Variants in PTAFR observed in about 807,000 individuals in gnomAD.
The protein encoded by PTAFR is platelet activating factor receptor.
In PTAFR, 8 loss-of-function variants were observed where a neutral mutation model predicts 14.7. The ratio of observed to expected loss-of-function variants is 0.54; its 90% confidence interval spans 0.32 to 0.98. The LOEUF (loss-of-function observed/expected upper bound fraction) is 0.98. Ranked by LOEUF, PTAFR falls within the 50% of genes least tolerant of loss-of-function variation. PTAFR has a pLI of 0.04. For synonymous variants in PTAFR, 156 were observed against 176.5 expected (o/e 0.88, Z 0.92); for missense variants, 337 against 451.2 (o/e 0.75, Z 2.29).
chr1:28,183,580 A>T (rs926953337), intron 1 of PTAFR, among the ~76,000 whole-genome samples: 1 of 152,024 alleles, frequency 6.6e-6, no homozygotes, highest in Non-Finnish European at 1.5e-5. Flanking sequence ...GTGAGCCGTG[A>T]CTACACCACT....
chr1:28,166,670 CAA>C (rs61065749), intron 1 of PTAFR, among the ~76,000 whole-genome samples: 4 of 120,286 alleles, frequency 3.3e-5, no homozygotes, highest in Non-Finnish European at 3.6e-5. Context: ...GACTCCATCT[CAA>C]AAAAAAAAAA....
intron 1 of PTAFR, among the ~76,000 whole-genome samples, chr1:28,158,208 G>A (rs534267673): frequency 1.4e-4 from 22 of 152,326 alleles, no homozygotes; most frequent in Non-Finnish European, 2.9e-4. Flanking sequence ...CCCCTACCCA[G>A]ACTTGAGGGT....
intron 1 of PTAFR, among the ~76,000 whole-genome samples, chr1:28,161,538 G>C (rs1335294753): frequency 6.6e-6 from 1 of 152,044 alleles, no homozygotes; most frequent in Non-Finnish European, 1.5e-5. Flanking sequence ...ATAGAGACAA[G>C]GTCTCACTAT....
At chr1:28,161,548 T>C (rs1646323915) in intron 1 of PTAFR, among the ~76,000 whole-genome samples, 1 of 152,204 alleles carries the variant, frequency 6.6e-6, no homozygotes, top group Non-Finnish European at 1.5e-5. Flanking sequence ...GGTCTCACTA[T>C]GTTGCCCAGG....
intron 1 of PTAFR, among the ~76,000 whole-genome samples, chr1:28,175,619 T>C (rs535587424): frequency 2.7e-4 from 41 of 151,884 alleles, no homozygotes; most frequent in Non-Finnish European, 5.1e-4. Context: ...CAGAGGACGG[T>C]GGGTGCCAGC....
chr1:28,172,031 G>A (rs184102243), intron 1 of PTAFR, among the ~76,000 whole-genome samples: 13 of 151,986 alleles, frequency 8.6e-5, no homozygotes, highest in Admixed American at 7.2e-4. Flanking sequence ...GGGGTGGGGG[G>A]TTGAGACTGA....
chr1:28,164,631 A>T (rs1269152693), intron 1 of PTAFR, among the ~76,000 whole-genome samples: 1 of 152,232 alleles, frequency 6.6e-6, no homozygotes, highest in African/African-American at 2.4e-5. Flanking sequence ...AGACTAGAGA[A>T]GAAAATAGAT....
At chr1:28,163,257 C>A (rs1269384017) in intron 1 of PTAFR, among the ~76,000 whole-genome samples, 2 of 152,172 alleles carry the variant, frequency 1.3e-5, no homozygotes, top group Non-Finnish European at 2.9e-5. Flanking sequence ...ATGCACTGGG[C>A]GCATTCCTCA....
Position 28,176,389 on chromosome 1 carries a change from G to A in PTAFR, c.-39+203C>T, listed in dbSNP as rs975606522. 2.1e-5 allele frequency among the ~76,000 whole-genome samples: 3 copies of A among 144,132 alleles called. No homozygotes were observed. The Admixed American group carries it at 2.2e-4, about 11-fold the overall frequency. 94.6% of individuals were successfully genotyped at this position (144,132 alleles called of 152,430 possible). On this transcript the variant is annotated intron_variant, in intron 1 of 1. Coordinates refer to ENST00000373857, the MANE Select transcript of PTAFR (RefSeq NM_000952.5). ...GCCTGGCAGGTCCAGGCTGCAGCGA[G>A]CCATGATCGCGCCACTGCACTTCTG... is the stretch of plus-strand genomic sequence containing the variant.
chr1:28,167,801 G>T (rs962825950), intron 1 of PTAFR, among the ~76,000 whole-genome samples: 1 of 151,390 alleles, frequency 6.6e-6, no homozygotes, highest in Non-Finnish European at 1.5e-5. Flanking sequence ...ACCTCGCCCG[G>T]CTAATTTTTG....
rs757815391 is a variant in PTAFR, at chr1:28,150,593, C to A, written c.429G>T (p.Val143=). 3 of 1,614,062 alleles carry A rather than the reference C, an allele frequency of 1.9e-6. No individual in the cohort carries two copies. In the African/African-American group the frequency reaches 4.0e-5, roughly 22 times the overall value. The change falls in exon 2 of 2, where the codon GTG becomes GTT. Residue 143 remains valine, a synonymous_variant. Transcript: ENST00000373857. The surrounding 1 kb of genome is among the most constrained non-coding windows in gnomAD (Gnocchi z 6.3). ...AGTAGGATGCAGCTCCCACAATGGC[C>A]ACCCAGATGACCAAGGACAAAGAGA... ...RGISLSLVIW[V]AIVGAASYFL...
At chr1:28,183,841 C>T (rs1646582443) in intron 1 of PTAFR, among the ~76,000 whole-genome samples, 1 of 151,726 alleles carries the variant, frequency 6.6e-6, no homozygotes, top group Non-Finnish European at 1.5e-5. Context: ...GAGCCAAGAT[C>T]ACCCCACTGC....
chr1:28,166,848 T>C lies in PTAFR; in HGVS notation c.-39+9744A>G, dbSNP rs1345246457. On this transcript the variant is annotated intron_variant, in intron 1 of 1. Transcript: ENST00000373857. ...AAAAAATTAGCTGAGCACGATGGCA[T>C]GCACCTGTAGTCTCAGCTATTCAGA... 2.0e-5 allele frequency among the ~76,000 whole-genome samples: 3 copies of C among 152,076 alleles called. No homozygotes were observed. In the South Asian group the frequency reaches 6.2e-4, roughly 32 times the overall value.
At chr1:28,178,582 T>C (rs1245796887), upstream of PTAFR, among the ~76,000 whole-genome samples, 2 of 151,918 alleles carry the variant, frequency 1.3e-5, no homozygotes, top group African/African-American at 2.4e-5. Flanking sequence ...CTTTTAACAT[T>C]TGCCTCAGTC....
At chr1:28,191,855 C>T (rs997056738) in intron 1 of PTAFR, among the ~76,000 whole-genome samples, 2 of 151,534 alleles carry the variant, frequency 1.3e-5, no homozygotes, top group African/African-American at 4.9e-5. Context: ...CGCTTGAGTT[C>T]AGGAGTTCAA....
intron 1 of PTAFR, among the ~76,000 whole-genome samples, chr1:28,182,235 G>A (rs1646568470): frequency 6.6e-6 from 1 of 151,860 alleles, no homozygotes. Flanking sequence ...ACTCAGGAGG[G>A]TGAGGCAGGA....
chr1:28,172,309 C>T (rs540311668), intron 1 of PTAFR, among the ~76,000 whole-genome samples: 7 of 152,236 alleles, frequency 4.6e-5, no homozygotes, highest in African/African-American at 1.7e-4. Context: ...AGCCACCGCA[C>T]ACAGCCATGC....
chr1:28,169,295 TAAA>T (rs201943732), intron 1 of PTAFR, among the ~76,000 whole-genome samples: 2 of 129,196 alleles, frequency 1.5e-5, no homozygotes, highest in African/African-American at 2.8e-5. Context: ...TTCACCACAG[TAAA>T]AAAAAAAAAA....
chr1:28,166,301 C>G (rs763094483), intron 1 of PTAFR, among the ~76,000 whole-genome samples: 1 of 152,136 alleles, frequency 6.6e-6, no homozygotes, highest in Non-Finnish European at 1.5e-5. Flanking sequence ...ATATATTATA[C>G]AAAAATTAAC....
Sources: gnomAD v4.1 joint callset for allele counts (sites outside exome capture counted in the v4.1 genomes callset) on GRCh38, gnomAD v4.1.1 for gene constraint, Gnocchi (gnomAD v3.1) non-coding constraint, MANE v1.5 for transcripts, NCBI Gene and HGNC (gene_info 2026-07-23, HGNC 2026-07-21) for gene names.